Variants in SNX24 observed in about 807,000 individuals in gnomAD.
The protein encoded by SNX24 is sorting nexin 24.
Under a neutral mutation model 28.7 loss-of-function variants are expected in SNX24, and 22 were observed. The ratio of observed to expected loss-of-function variants is 0.77; its 90% CI spans 0.55 to 1.10. SNX24 has a LOEUF of 1.10. Ranked by LOEUF, SNX24 falls within the 50% of genes least tolerant of loss-of-function variation. The pLI, the probability that SNX24 is intolerant of heterozygous loss-of-function variation, is 0.00. For missense variants in SNX24, 221 were observed against 201.1 expected (o/e 1.10, Z -0.60); for synonymous variants, 69 against 71.5 (o/e 0.96, Z 0.18).
chr5:122,862,627 G>A (rs1055283748), intron 1 of SNX24, among the ~76,000 whole-genome samples: 2 of 149,428 alleles, frequency 1.3e-5, no homozygotes. Context: ...AAAGAGAAAG[G>A]AAGGAAAGAT....
intron 6 of SNX24, among the ~76,000 whole-genome samples, chr5:123,004,124 G>T (rs944851218): frequency 6.6e-6 from 1 of 152,050 alleles, no homozygotes; most frequent in African/African-American, 2.4e-5. Flanking sequence ...TACTGACCCC[G>T]CCCCCTACAA....
intron 1 of SNX24, among the ~76,000 whole-genome samples, chr5:122,871,245 G>A (rs1755963044): frequency 6.6e-6 from 1 of 152,104 alleles, no homozygotes; most frequent in Non-Finnish European, 1.5e-5. Flanking sequence ...ATGCAATAGG[G>A]GCTCAGGCTC....
chr5:123,014,492 A>G (rs754217026), intron 5 of SNX24, among the ~76,000 whole-genome samples: 6 of 151,924 alleles, frequency 3.9e-5, no homozygotes, highest in Admixed American at 6.6e-5. Flanking sequence ...TGAACCAGAC[A>G]TGAACGCTTA....
intron 1 of SNX24, among the ~76,000 whole-genome samples, chr5:122,907,928 A>C (rs1306054070): frequency 6.6e-6 from 1 of 151,752 alleles, no homozygotes; most frequent in African/African-American, 2.4e-5. Flanking sequence ...AGGACAGCAC[A>C]ATTAGATTTT....
At chr5:122,897,652 G>A (rs1317026528) in intron 1 of SNX24, among the ~76,000 whole-genome samples, 4 of 152,176 alleles carry the variant, frequency 2.6e-5, no homozygotes, top group Non-Finnish European at 5.9e-5. Flanking sequence ...ATGAATATGT[G>A]TGTGTGCACA....
intron 1 of SNX24, among the ~76,000 whole-genome samples, chr5:122,916,057 A>G (rs762029487): frequency 6.6e-6 from 1 of 152,252 alleles, no homozygotes; most frequent in African/African-American, 2.4e-5. Context: ...CCCATCCTGT[A>G]GCACATGTTT....
chr5:122,854,913 A>G (rs966124143), intron 1 of SNX24, among the ~76,000 whole-genome samples: 2 of 152,228 alleles, frequency 1.3e-5, no homozygotes, highest in African/African-American at 4.8e-5. Flanking sequence ...GTCTAAAAAA[A>G]TGTACATACC....
At chr5:122,931,186 A>T (rs970595971) in intron 1 of SNX24, among the ~76,000 whole-genome samples, 3 of 152,198 alleles carry the variant, frequency 2.0e-5, no homozygotes, top group African/African-American at 4.8e-5. Context: ...TAGTATGATT[A>T]AATTAGTAAT....
At chr5:122,979,008 T>G (rs1761282577) in intron 3 of SNX24, among the ~76,000 whole-genome samples, 1 of 152,218 alleles carries the variant, frequency 6.6e-6, no homozygotes, top group Non-Finnish European at 1.5e-5. Flanking sequence ...TGAGAATGTA[T>G]TCTGTGTAAT....
rs996461836 is a variant in SNX24, at chr5:122,850,131, A to G, written c.60+4438A>G. 5.9e-5 allele frequency among the ~76,000 whole-genome samples: 9 copies of G among 152,354 alleles called. No individual in the cohort carries two copies. The South Asian group carries it at 6.2e-4, about 11-fold the overall frequency. Reference sequence around the variant, plus strand: ...TTTAGAAAGATGACTATCTTAGTTCAGGCTACTTTAACAAAATACAATCAA... The same window carrying G: ...TTTAGAAAGATGACTATCTTAGTTCGGGCTACTTTAACAAAATACAATCAA... On this transcript the variant is annotated intron_variant, in intron 1 of 6. Transcript: ENST00000261369.
chr5:123,028,303 T>C (rs967139281), intron 5 of SNX24, among the ~76,000 whole-genome samples: 2 of 152,180 alleles, frequency 1.3e-5, no homozygotes, highest in African/African-American at 4.8e-5. Flanking sequence ...TTTGTCAATA[T>C]GATGAAAGAT....
chr5:122,963,793 T>C (rs1450568608), intron 3 of SNX24, among the ~76,000 whole-genome samples: 1 of 152,238 alleles, frequency 6.6e-6, no homozygotes, highest in Non-Finnish European at 1.5e-5. Context: ...AAGTAGTCTC[T>C]TTCTTCACAG....
At chr5:122,909,291 G>T (rs1757777622) in intron 1 of SNX24, among the ~76,000 whole-genome samples, 1 of 152,154 alleles carries the variant, frequency 6.6e-6, no homozygotes, top group Non-Finnish European at 1.5e-5. Flanking sequence ...CTTAGACATA[G>T]TACCTATTGC....
intron 1 of SNX24, among the ~76,000 whole-genome samples, chr5:122,881,318 A>G (rs113703314): frequency 6.6e-6 from 1 of 152,358 alleles, no homozygotes; most frequent in African/African-American, 2.4e-5. Context: ...TACTGACAGT[A>G]TACTTACTCA....
At chr5:123,019,346 A>G (rs1762731305) in intron 5 of SNX24, among the ~76,000 whole-genome samples, 1 of 151,792 alleles carries the variant, frequency 6.6e-6, no homozygotes, top group Admixed American at 6.6e-5. Flanking sequence ...TTTCTAGATC[A>G]AAGATTTCTT....
At position 122,909,014 on chromosome 5, in the gene SNX24, CT is replaced by C. The variant is rs563541500; in HGVS notation, c.61-27711del. On this transcript the variant is annotated intron_variant, in intron 1 of 6. Coordinates refer to ENST00000261369, the MANE Select transcript of SNX24 (RefSeq NM_014035.4). ...TTGCGAGACTGACCTCACTGTGTAT[CT>C]TTTTTTTTCTTTTTAAACCATATGA... Among the ~76,000 whole-genome samples the C allele has an allele frequency of 4.3e-3, 652 of 151,632 alleles. 5 individuals are homozygous for C. Among genetic ancestry groups the C allele is most frequent in the African/African-American group, 0.015 (613 of 41,314 alleles).
intron 5 of SNX24, among the ~76,000 whole-genome samples, chr5:123,019,910 T>C (rs886109656): frequency 3.9e-5 from 6 of 152,258 alleles, no homozygotes; most frequent in African/African-American, 1.4e-4. Flanking sequence ...GTACAAGAAA[T>C]AAACTGCTTT....
At chr5:122,890,973 T>A in intron 1 of SNX24, 1 of 1,370,066 alleles carries the variant, frequency 7.3e-7, no homozygotes, top group South Asian at 1.9e-5. Context: ...ATTTAAATAG[T>A]ATATAAGAGT....
intron 1 of SNX24, among the ~76,000 whole-genome samples, chr5:122,868,289 T>A (rs1755810229): frequency 6.6e-6 from 1 of 152,184 alleles, no homozygotes. Context: ...GTGCTGCTGA[T>A]CATGCCCAAC....
Sources: gnomAD v4.1 joint callset for allele counts (sites outside exome capture counted in the v4.1 genomes callset) on GRCh38, gnomAD v4.1.1 for gene constraint, MANE v1.5 for transcripts, NCBI Gene and HGNC (gene_info 2026-07-23, HGNC 2026-07-21) for gene names.